The following RAD54L2 variants were observed in gnomAD, a reference collection of about 807,000 sequenced individuals.
RAD54L2 encodes the protein RAD54 like 2.
In RAD54L2, 27 loss-of-function variants were observed where a neutral mutation model predicts 138.4. The ratio of observed to expected loss-of-function variants is 0.20; its 90% CI spans 0.14 to 0.27. The LOEUF is 0.27. Ranked by LOEUF, RAD54L2 falls within the 10% of genes least tolerant of loss-of-function variation. RAD54L2 has a pLI of 1.00. For missense variants in RAD54L2, 1,396 were observed against 1,890.2 expected (o/e 0.74, Z 4.85); for synonymous variants, 644 against 723.2 (o/e 0.89, Z 1.76).
At chr3:51,643,833 G>C in intron 15 of RAD54L2, 42 bp from the exon 16 acceptor site, 1 of 1,449,308 alleles carries the variant, frequency 6.9e-7, no homozygotes, top group Non-Finnish European at 9.5e-7. Context: ...GTATATCCTT[G>C]CTCTAATATA....
At chr3:51,648,125 C>T (rs535911635) in intron 19 of RAD54L2, among the ~76,000 whole-genome samples, 55 of 152,306 alleles carry the variant, frequency 3.6e-4, no homozygotes, top group Non-Finnish European at 5.6e-4. Context: ...TCTTAGCAAA[C>T]GGCACACCAG....
chr3:51,620,846 A>G (rs1258686111), intron 3 of RAD54L2, among the ~76,000 whole-genome samples: 1 of 152,072 alleles, frequency 6.6e-6, no homozygotes, highest in Non-Finnish European at 1.5e-5. Flanking sequence ...TTTAATTTAC[A>G]TTTGTTGTCT....
intron 2 of RAD54L2, among the ~76,000 whole-genome samples, chr3:51,588,047 G>T (rs551107921): frequency 2.6e-5 from 4 of 151,700 alleles, no homozygotes; most frequent in South Asian, 4.2e-4. Flanking sequence ...TTAGCCGGGC[G>T]TGGTGGCAGG....
Position 51,645,905 on chromosome 3 carries a change from C to A in RAD54L2, c.2829+142C>A. 2.2e-6 allele frequency: 2 copies of A among 907,646 alleles called. No homozygotes were observed. The highest frequency in any genetic ancestry group is 3.3e-6 in the Non-Finnish European group (2 of 611,192). The allele number at this position is 907,646 out of a possible 1,614,324, so 56.2% of individuals were successfully genotyped here. On this transcript the variant is annotated intron_variant, in intron 18 of 22. Transcript: ENST00000684192. The surrounding 1 kb of genome is among the most constrained non-coding windows in gnomAD (Gnocchi z 6.1). ...AAGGACTTCTTTTTCTTGCCCCACTCAGTCCCCCTCCCTTCCCACAACCAC... is the reference window on the plus strand; with the variant it reads ...AAGGACTTCTTTTTCTTGCCCCACTAAGTCCCCCTCCCTTCCCACAACCAC...
intron 14 of RAD54L2, among the ~76,000 whole-genome samples, chr3:51,640,776 C>T (rs1701113285): frequency 6.6e-6 from 1 of 152,194 alleles, no homozygotes; most frequent in Non-Finnish European, 1.5e-5. Context: ...AACCCATAAT[C>T]ATATCTGATG....
At chr3:51,600,747 A>G (rs1296423099) in intron 3 of RAD54L2, among the ~76,000 whole-genome samples, 5 of 152,212 alleles carry the variant, frequency 3.3e-5, no homozygotes, top group Non-Finnish European at 7.3e-5. Flanking sequence ...CGCATAGATC[A>G]CGTGAGGTCA....
At chr3:51,643,792 C>T (rs1328646073) in intron 15 of RAD54L2, 83 bp from the exon 16 acceptor site, 2 of 1,099,942 alleles carry the variant, frequency 1.8e-6, no homozygotes, top group African/African-American at 3.1e-5. Flanking sequence ...TTGTTTTGCT[C>T]TTTAAAACAT....
intron 19 of RAD54L2, among the ~76,000 whole-genome samples, chr3:51,647,337 G>C (rs1701305787): frequency 6.6e-6 from 1 of 152,018 alleles, no homozygotes; most frequent in African/African-American, 2.4e-5. Context: ...CAAGTAGCTG[G>C]GATTACAGGT....
intron 22 of RAD54L2, among the ~76,000 whole-genome samples, chr3:51,661,793 C>T (rs1051013573): frequency 6.6e-6 from 1 of 152,280 alleles, no homozygotes; most frequent in East Asian, 1.9e-4. Context: ...CTCTCCCTCC[C>T]TTTCTATTAT....
chr3:51,598,724 A>G (rs775915658), intron 3 of RAD54L2, among the ~76,000 whole-genome samples: 3 of 152,036 alleles, frequency 2.0e-5, no homozygotes, highest in Non-Finnish European at 2.9e-5. Context: ...CCACTGCACT[A>G]TAGCCTGGGT....
intron 2 of RAD54L2, among the ~76,000 whole-genome samples, chr3:51,563,879 T>G (rs993947957): frequency 3.9e-5 from 6 of 152,212 alleles, no homozygotes; most frequent in Admixed American, 6.5e-5. Flanking sequence ...TCCCTTTTCT[T>G]TCACTGAGGT....
chr3:51,614,038 G>C (rs1015928629), intron 3 of RAD54L2, among the ~76,000 whole-genome samples: 1 of 152,162 alleles, frequency 6.6e-6, no homozygotes, highest in African/African-American at 2.4e-5. Context: ...CCAAATGTTA[G>C]TAGTGCTAAG....
intron 2 of RAD54L2, among the ~76,000 whole-genome samples, chr3:51,586,453 CT>C (rs1577404765): frequency 6.7e-6 from 1 of 150,232 alleles, no homozygotes; most frequent in East Asian, 2.0e-4. Context: ...TTGGAAGTCT[CT>C]GTCGCCACCA....
rs1701871548 is a variant in RAD54L2, at chr3:51,664,466, C to T, written c.*1046C>T. The T allele has an allele frequency of 6.6e-6, 1 of 152,114 alleles. No individual in the cohort carries two copies. The highest frequency in any genetic ancestry group is 2.4e-5 in the African/African-American group (1 of 41,400). The allele number at this position is 152,114 out of a possible 1,614,324, so 9.4% of individuals were successfully genotyped here. On this transcript the variant is annotated 3_prime_UTR_variant, in exon 23 of 23. Transcript: ENST00000684192. ...GGTAGTCTTTTCTGTTCCTTTCCTT[C>T]CCCTTTAGAGAGCTCCATGTTAATT...
chr3:51,610,251 G>T (rs899511318), intron 3 of RAD54L2, among the ~76,000 whole-genome samples: 3 of 152,114 alleles, frequency 2.0e-5, no homozygotes, highest in African/African-American at 7.2e-5. Flanking sequence ...ACAATCCCCC[G>T]AGGCTACAAA....
At chr3:51,605,093 T>A (rs1010241385) in intron 3 of RAD54L2, among the ~76,000 whole-genome samples, 6 of 149,210 alleles carry the variant, frequency 4.0e-5, no homozygotes, top group African/African-American at 1.5e-4. Context: ...TGGCTAATTT[T>A]TTTTTTTTTT....
At chr3:51,629,555 T>G in intron 5 of RAD54L2, 82 bp downstream of exon 5, 1 of 1,535,074 alleles carries the variant, frequency 6.5e-7, no homozygotes, top group Non-Finnish European at 8.8e-7. Flanking sequence ...AAAGCAGATC[T>G]GGAATAAGAC....
Position 51,574,361 on chromosome 3 carries a change from A to G in RAD54L2, c.-54-16006A>G, listed in dbSNP as rs567847774. Among the ~76,000 whole-genome samples, 3 of 152,330 alleles carry G rather than the reference A, an allele frequency of 2.0e-5. No homozygotes were observed. In the East Asian group the frequency reaches 5.8e-4, roughly 29 times the overall value. The stretch of plus-strand genomic sequence containing the variant: ...TTTATAATCCTTTGGGTATATACCC[A>G]GTAATGGGATGGCCGGGTCAAATGG... On this transcript the variant is annotated intron_variant, in intron 2 of 22. Coordinates refer to ENST00000684192, the MANE Select transcript of RAD54L2 (RefSeq NM_015106.4).
chr3:51,646,656 T>C (rs1032201327), intron 19 of RAD54L2, among the ~76,000 whole-genome samples, 175 bp downstream of exon 19: 1 of 152,154 alleles, frequency 6.6e-6, no homozygotes, highest in Admixed American at 6.5e-5. Context: ...TTTTAAATGG[T>C]TCTGGTTTTG....
Sources: allele counts gnomAD v4.1 joint callset (sites outside exome capture counted in the v4.1 genomes callset), GRCh38; gene constraint gnomAD v4.1.1; non-coding constraint Gnocchi (gnomAD v3.1); transcripts MANE v1.5; gene names NCBI Gene and HGNC (gene_info 2026-07-23, HGNC 2026-07-21).